The following CDKL2 variants were observed in gnomAD, a reference collection of about 807,000 sequenced individuals.
The protein encoded by CDKL2 is cyclin-dependent kinase-like 2.
CDKL2 carries 64 observed loss-of-function variants against 63.9 expected under a neutral mutation model. That is an observed-to-expected ratio of 1.00 (90% CI 0.82 to 1.23). CDKL2 has a LOEUF of 1.23. Among genes scored for constraint, CDKL2 ranks in the 50% most tolerant of loss-of-function variants. The pLI is 0.00. For missense variants in CDKL2, 656 were observed against 668.0 expected (o/e 0.98, Z 0.20); for synonymous variants, 211 against 229.2 (o/e 0.92, Z 0.72).
At chr4:75,584,619 C>T (rs540969359) in intron 12 of CDKL2, among the ~76,000 whole-genome samples, 47 of 152,194 alleles carry the variant, frequency 3.1e-4, no homozygotes, top group Non-Finnish European at 5.9e-4. Context: ...AGGCCCCCAG[C>T]GGATGCCTGA....
At chr4:75,599,248 C>T (rs1729070928) in intron 7 of CDKL2, among the ~76,000 whole-genome samples, 1 of 152,118 alleles carries the variant, frequency 6.6e-6, no homozygotes, top group African/African-American at 2.4e-5. Flanking sequence ...TCACATTCCA[C>T]AATGCAACCA....
At chr4:75,622,230 A>G (rs1414494520) in intron 2 of CDKL2, among the ~76,000 whole-genome samples, 2 of 152,198 alleles carry the variant, frequency 1.3e-5, no homozygotes, top group Non-Finnish European at 1.5e-5. Flanking sequence ...TATATTAAAT[A>G]TAAATAGACC....
chr4:75,613,037 A>AT (rs1263691807), intron 3 of CDKL2, among the ~76,000 whole-genome samples: 2 of 152,032 alleles, frequency 1.3e-5, no homozygotes, highest in African/African-American at 4.8e-5. Flanking sequence ...AGGCCGGAGA[A>AT]TGGCGTGAGC....
intron 3 of CDKL2, among the ~76,000 whole-genome samples, chr4:75,613,960 G>A (rs541867988): frequency 8.5e-5 from 13 of 152,316 alleles, no homozygotes; most frequent in African/African-American, 3.1e-4. Flanking sequence ...AGGAGGCTGA[G>A]GCAAGAGAAT....
chr4:75,613,050 G>A (rs916171112), intron 3 of CDKL2, among the ~76,000 whole-genome samples: 8 of 152,164 alleles, frequency 5.3e-5, no homozygotes, highest in Non-Finnish European at 1.5e-5. Context: ...GCGTGAGCCT[G>A]GGAGGCGGAG....
At chr4:75,622,409 T>C (rs1204328850) in intron 2 of CDKL2, among the ~76,000 whole-genome samples, 1 of 151,970 alleles carries the variant, frequency 6.6e-6, no homozygotes, top group African/African-American at 2.4e-5. Flanking sequence ...AACATACTAA[T>C]GACGAAGTGT....
intron 3 of CDKL2, among the ~76,000 whole-genome samples, chr4:75,612,138 T>C (rs2148898362): frequency 6.6e-6 from 1 of 151,604 alleles, no homozygotes; most frequent in South Asian, 2.1e-4. Context: ...GCCCGGCTAA[T>C]TTTTTTATAT....
chr4:75,585,552 C>T (rs1005453408), intron 12 of CDKL2, among the ~76,000 whole-genome samples: 4 of 151,908 alleles, frequency 2.6e-5, no homozygotes, highest in African/African-American at 7.3e-5. Flanking sequence ...ATGATCATGC[C>T]GCTGCACTCC....
Position 75,591,837 on chromosome 4 carries a change from G to C in CDKL2, c.1629C>G (p.Pro543=), listed in dbSNP as rs755865377. The change falls in exon 12 of 14, where the codon CCC becomes CCG. Residue 543 remains proline, a synonymous_variant. Transcript: ENST00000307465. The part of the protein sequence containing the change: ...PSLAAIDLHT[P]SITLHQVSGP... ...TCTGTACCTGATGTAATGTAATACT[G>C]GGGGTGTGCAGGTCAATAGCAGCCA... The C allele has an allele frequency of 3.0e-5, 46 of 1,534,686 alleles. No homozygotes were observed. Among genetic ancestry groups the C allele is most frequent in the Non-Finnish European group, 3.8e-5 (44 of 1,145,842 alleles).
intron 7 of CDKL2, among the ~76,000 whole-genome samples, chr4:75,598,842 T>C (rs1729054395): frequency 6.6e-6 from 1 of 152,204 alleles, no homozygotes; most frequent in Non-Finnish European, 1.5e-5. Flanking sequence ...ACAGAAAAAC[T>C]ATGGTTATTA....
chr4:75,603,319 A>G (rs1168404679), intron 6 of CDKL2, among the ~76,000 whole-genome samples: 2 of 151,806 alleles, frequency 1.3e-5, no homozygotes, highest in Admixed American at 6.6e-5. Flanking sequence ...TTTCTTAATG[A>G]GTGTTAAAAC....
chr4:75,593,866 A>T (rs1200453572), intron 10 of CDKL2, among the ~76,000 whole-genome samples: 1 of 152,032 alleles, frequency 6.6e-6, no homozygotes, highest in African/African-American at 2.4e-5. Flanking sequence ...AATTTGTCTC[A>T]CACACACACA....
At chr4:75,621,476 A>G (rs1430436440) in intron 2 of CDKL2, among the ~76,000 whole-genome samples, 1 of 152,128 alleles carries the variant, frequency 6.6e-6, no homozygotes, top group East Asian at 1.9e-4. Flanking sequence ...AACATACTGA[A>G]TGTAATTAAC....
At chr4:75,604,199 C>T (rs891920682) in intron 5 of CDKL2, among the ~76,000 whole-genome samples, 5 of 152,166 alleles carry the variant, frequency 3.3e-5, no homozygotes, top group African/African-American at 4.8e-5. Context: ...ACCAGCACTT[C>T]GTTTCTAACT....
chr4:75,608,269 C>T (rs898425963), intron 3 of CDKL2, among the ~76,000 whole-genome samples: 1 of 151,562 alleles, frequency 6.6e-6, no homozygotes, highest in Admixed American at 6.6e-5. Context: ...AGATTACAGG[C>T]GCCTGCCACC....
chr4:75,583,932 A>G (rs1173215241), intron 12 of CDKL2, among the ~76,000 whole-genome samples: 1 of 152,202 alleles, frequency 6.6e-6, no homozygotes. Context: ...AAAAGATGGG[A>G]CTAGATTCAA....
intron 10 of CDKL2, 199 bp downstream of exon 10, chr4:75,596,021 GAAGGAAGGAAGAAAGGAAGGAAGGAGT>G: frequency 1.4e-4 from 8 of 55,774 alleles, no homozygotes; most frequent in South Asian, 6.7e-4. Context: ...AGGAAGGAAG[GAAGGAAGGAAGAAAGGAAGGAAGGAGT>G]TTTTAGACTC....
rs1490838940 is a variant in CDKL2 at position 75,608,116 on chromosome 4, A to G, written c.364-755T>C. Among the ~76,000 whole-genome samples, 5 of 127,772 alleles carry G rather than the reference A, an allele frequency of 3.9e-5. No individual in the cohort carries two copies. The East Asian group carries it at 1.2e-3, about 30-fold the overall frequency. 83.8% of individuals were successfully genotyped at this position (127,772 alleles called of 152,430 possible). A position where few individuals can be genotyped will look rare whatever the true frequency, so the allele number is the denominator to read the frequency against. On this transcript the variant is annotated intron_variant, in intron 3 of 13. Transcript: ENST00000307465. Reference sequence around the variant, plus strand: ...AGGCGTGAGCCACCGCGCCCGGGCCAAAAACCTTTTTTTTTTTTTTTTTTT... The same window carrying G: ...AGGCGTGAGCCACCGCGCCCGGGCCGAAAACCTTTTTTTTTTTTTTTTTTT...
intron 12 of CDKL2, 49 bp downstream of exon 12, chr4:75,591,770 T>C: frequency 8.0e-7 from 1 of 1,242,816 alleles, no homozygotes; most frequent in Non-Finnish European, 1.1e-6. Context: ...TACTAGTAAG[T>C]AAGAGAGAGA....
Sources: gnomAD v4.1 joint callset for allele counts (sites outside exome capture counted in the v4.1 genomes callset) on GRCh38, gnomAD v4.1.1 for gene constraint, MANE v1.5 for transcripts, NCBI Gene and HGNC (gene_info 2026-07-23, HGNC 2026-07-21) for gene names.